Variants in PHYHIPL observed in about 807,000 individuals in gnomAD.
PHYHIPL encodes phytanoyl-CoA hydroxylase-interacting protein-like.
Under a neutral mutation model 33.4 loss-of-function variants are expected in PHYHIPL, and 9 were observed. The observed-to-expected ratio is 0.27, with a 90% CI of 0.16 to 0.47. PHYHIPL has a LOEUF of 0.47. PHYHIPL is among the 20% of genes least tolerant of loss of function. The pLI, the probability that PHYHIPL is intolerant of heterozygous loss-of-function variation, is 0.99. For missense variants in PHYHIPL, 365 were observed against 460.7 expected (o/e 0.79, Z 1.90); for synonymous variants, 153 against 154.1 (o/e 0.99, Z 0.05).
At chr10:59,208,862 A>T (rs7911137) in intron 1 of PHYHIPL, among the ~76,000 whole-genome samples, 28,832 of 151,910 alleles carry the variant, frequency 0.19, 3,385 homozygotes, top group African/African-American at 0.32. Flanking sequence ...TAAAGCATGA[A>T]GACAAGATTA....
At chr10:59,191,855 A>T (rs1480837249) in intron 1 of PHYHIPL, among the ~76,000 whole-genome samples, 1 of 151,926 alleles carries the variant, frequency 6.6e-6, no homozygotes, top group African/African-American at 2.4e-5. Context: ...TTCATTTCCT[A>T]TACTGGAAAA....
At chr10:59,196,678 A>G (rs567403368) in intron 1 of PHYHIPL, among the ~76,000 whole-genome samples, 1 of 152,116 alleles carries the variant, frequency 6.6e-6, no homozygotes, top group South Asian at 2.1e-4. Context: ...TTGGCCTCCC[A>G]AAGTGTGGTA....
chr10:59,184,342 C>G (rs571070109), intron 1 of PHYHIPL, among the ~76,000 whole-genome samples: 1 of 152,136 alleles, frequency 6.6e-6, no homozygotes, highest in Non-Finnish European at 1.5e-5. Flanking sequence ...ATTGTCTAGA[C>G]CTTTATAGGA....
intron 4 of PHYHIPL, 149 bp from the exon 5 acceptor site, chr10:59,244,908 T>G (rs761392004): frequency 3.2e-5 from 24 of 741,594 alleles, no homozygotes; most frequent in Non-Finnish European, 4.1e-5. Flanking sequence ...ATAGGTAATA[T>G]GTCAAAAGAT....
chr10:59,185,023 C>G (rs1206807634), intron 1 of PHYHIPL, among the ~76,000 whole-genome samples: 1 of 140,062 alleles, frequency 7.1e-6, no homozygotes, highest in Non-Finnish European at 1.5e-5. Flanking sequence ...CGGAGTCTCG[C>G]TCTGCCACCC....
chr10:59,173,681 C>A (rs1311679735), upstream of PHYHIPL, among the ~76,000 whole-genome samples: 1 of 152,120 alleles, frequency 6.6e-6, no homozygotes, highest in Admixed American at 6.5e-5. Flanking sequence ...GATCTTATGA[C>A]CTTCAGTTAA....
intron 1 of PHYHIPL, among the ~76,000 whole-genome samples, chr10:59,202,122 A>G (rs957283071): frequency 2.0e-5 from 3 of 152,120 alleles, no homozygotes; most frequent in Non-Finnish European, 4.4e-5. Flanking sequence ...GGGTTAGGGT[A>G]AGATTGAGAG....
chr10:59,214,816 C>T (rs771764158), intron 1 of PHYHIPL, among the ~76,000 whole-genome samples: 8 of 152,030 alleles, frequency 5.3e-5, no homozygotes, highest in Non-Finnish European at 1.2e-4. Flanking sequence ...CCTTATTGCC[C>T]AGATGATGGT....
intron 1 of PHYHIPL, among the ~76,000 whole-genome samples, chr10:59,203,945 A>G (rs1240492843): frequency 2.0e-5 from 3 of 152,202 alleles, no homozygotes; most frequent in Non-Finnish European, 4.4e-5. Flanking sequence ...AGATAATGGT[A>G]AATTGCTCAT....
Position 59,246,865 on chromosome 10 carries a change from C to T in PHYHIPL, c.*1274C>T. 2.7e-6 allele frequency: 1 copy of T among 374,150 alleles called. No individual in the cohort carries two copies. The highest frequency in any genetic ancestry group is 3.8e-5 in the East Asian group (1 of 26,024). The allele number at this position is 374,150 out of a possible 1,614,324, so 23.2% of individuals were successfully genotyped here. Reference sequence around the variant, plus strand: ...TAGATTATATACTACAGACACATATCTATCCAAAATACCTATTTTAAATTT... The same window carrying T: ...TAGATTATATACTACAGACACATATTTATCCAAAATACCTATTTTAAATTT... On this transcript the variant is annotated 3_prime_UTR_variant, in exon 5 of 5. Coordinates refer to ENST00000373880, the MANE Select transcript of PHYHIPL (RefSeq NM_032439.4).
chr10:59,185,076 C>T (rs1448470826), intron 1 of PHYHIPL, among the ~76,000 whole-genome samples: 5 of 149,458 alleles, frequency 3.3e-5, no homozygotes, highest in African/African-American at 7.4e-5. Flanking sequence ...CTGCAAGCTC[C>T]GCCTCCCAGG....
chr10:59,177,721 A>G, intron 1 of PHYHIPL: 1 of 1,372,946 alleles, frequency 7.3e-7, no homozygotes, highest in Non-Finnish European at 1.0e-6. Context: ...AGCGTTGAAG[A>G]CATAAGCTAG....
intron 1 of PHYHIPL, among the ~76,000 whole-genome samples, chr10:59,229,715 A>G (rs1368643229): frequency 6.6e-6 from 1 of 152,214 alleles, no homozygotes; most frequent in Non-Finnish European, 1.5e-5. Context: ...TACAGAAATC[A>G]GAAGTGAGGT....
chr10:59,190,343 A>G (rs1405975870), intron 1 of PHYHIPL, among the ~76,000 whole-genome samples: 1 of 151,964 alleles, frequency 6.6e-6, no homozygotes, highest in East Asian at 1.9e-4. Context: ...TCAAGACCAA[A>G]AAGAGAAATA....
At chr10:59,173,770 A>AT, upstream of PHYHIPL, among the ~76,000 whole-genome samples, 1 of 152,008 alleles carries the variant, frequency 6.6e-6, no homozygotes, top group Non-Finnish European at 1.5e-5. Flanking sequence ...ATATTTTCAG[A>AT]TTTTATGGCT....
At chr10:59,239,742 C>G (rs1048119023) in intron 4 of PHYHIPL, among the ~76,000 whole-genome samples, 2 of 151,900 alleles carry the variant, frequency 1.3e-5, no homozygotes, top group African/African-American at 4.8e-5. Context: ...AGCCAGATGT[C>G]TGTTTTGTGT....
chr10:59,177,097 G>T lies in PHYHIPL; in HGVS notation c.106+138G>T, dbSNP rs1366678882. The T allele has an allele frequency of 8.5e-6, 6 of 704,222 alleles. No homozygotes were observed. The African/African-American group carries it at 9.1e-5, about 11-fold the overall frequency. 43.6% of individuals were successfully genotyped at this position (704,222 alleles called of 1,614,324 possible). A position where few individuals can be genotyped will look rare whatever the true frequency, so the allele number is the denominator to read the frequency against. ...TCTGTGCAAATAAATGCAGATGTGGGTTACCCTCCGCCCACCGCCCTCCCC... is the reference window on the plus strand; with the variant it reads ...TCTGTGCAAATAAATGCAGATGTGGTTTACCCTCCGCCCACCGCCCTCCCC... On this transcript the variant is annotated intron_variant, in intron 1 of 4. Transcript: ENST00000373880.
rs1384211259 is a variant in PHYHIPL, at chr10:59,185,116, A to G, written c.106+8157A>G. On this transcript the variant is annotated intron_variant, in intron 1 of 4. Coordinates refer to ENST00000373880, the MANE Select transcript of PHYHIPL (RefSeq NM_032439.4). ...CGCCATTCTCCTGCCTCAGCCTCCC[A>G]AGTAGCTGGGACTACAGGCGCCCGC... Among the ~76,000 whole-genome samples, 5 of 145,964 alleles carry G rather than the reference A, an allele frequency of 3.4e-5. No homozygotes were observed. In the East Asian group the frequency reaches 1.0e-3, roughly 30 times the overall value.
chr10:59,226,599 C>G (rs1839932167), intron 1 of PHYHIPL, among the ~76,000 whole-genome samples: 1 of 152,048 alleles, frequency 6.6e-6, no homozygotes, highest in South Asian at 2.1e-4. Context: ...AAAGTGTTGG[C>G]AGAGGTGTCC....
Sources: gnomAD v4.1 joint callset for allele counts (sites outside exome capture counted in the v4.1 genomes callset) on GRCh38, gnomAD v4.1.1 for gene constraint, MANE v1.5 for transcripts, NCBI Gene and HGNC (gene_info 2026-07-23, HGNC 2026-07-21) for gene names.